Variants in EPB41L1 observed in about 807,000 individuals in gnomAD.
EPB41L1 encodes band 4.1-like protein 1.
A neutral mutation model predicts 97.8 loss-of-function variants in EPB41L1; 29 were observed. The observed-to-expected ratio is 0.30, with a 90% CI of 0.22 to 0.40. EPB41L1 has a LOEUF of 0.40. EPB41L1 is among the 10% of genes least tolerant of loss of function. EPB41L1 has a pLI of 1.00. For missense variants in EPB41L1, 812 were observed against 1,162.3 expected (o/e 0.70, Z 4.38); for synonymous variants, 383 against 459.2 (o/e 0.83, Z 2.12).
In EPB41L1 at chr20:36,207,637, A is replaced by G. The variant is rs1259127871; in HGVS notation, c.1669-1851A>G. 2 of 1,290,018 alleles carry G rather than the reference A, an allele frequency of 1.6e-6. No homozygotes were observed. The highest frequency in any genetic ancestry group is 3.0e-5 in the African/African-American group (2 of 65,852). 79.9% of individuals were successfully genotyped at this position (1,290,018 alleles called of 1,614,324 possible). On this transcript the variant is annotated intron_variant, in intron 14 of 21. Transcript: ENST00000338074. This position sits in a 1 kb window ranked among gnomAD's most constrained non-coding sequence, Gnocchi z 4.9. ...AGGGGACTTTGCCAGCCCCAAAGCC[A>G]CACATTCCACAGTGATACCTCTGGC... is the stretch of plus-strand genomic sequence containing the variant.
intron 1 of EPB41L1, among the ~76,000 whole-genome samples, chr20:36,159,532 T>C (rs2060446844): frequency 6.6e-6 from 1 of 152,216 alleles, no homozygotes; most frequent in African/African-American, 2.4e-5. Flanking sequence ...AGAATGACGC[T>C]AGACTCCAGT....
chr20:36,173,336 G>T (rs2061076635), intron 1 of EPB41L1, among the ~76,000 whole-genome samples: 1 of 152,210 alleles, frequency 6.6e-6, no homozygotes, highest in African/African-American at 2.4e-5. Context: ...GGAACCCAGG[G>T]TTCTTTTAGT....
intron 1 of EPB41L1, among the ~76,000 whole-genome samples, chr20:36,094,074 G>C (rs2057754360): frequency 6.6e-6 from 1 of 152,154 alleles, no homozygotes; most frequent in Non-Finnish European, 1.5e-5. Flanking sequence ...TCCAAGTACT[G>C]GTGCATACAG....
intron 2 of EPB41L1, among the ~76,000 whole-genome samples, chr20:36,140,837 G>A (rs1263417591): frequency 6.6e-6 from 1 of 152,084 alleles, no homozygotes; most frequent in African/African-American, 2.4e-5. Flanking sequence ...AGCCCGACTA[G>A]CCACCCCCTC....
chr20:36,228,939 G>A (rs900579843), intron 21 of EPB41L1, among the ~76,000 whole-genome samples: 2 of 152,108 alleles, frequency 1.3e-5, no homozygotes, highest in Non-Finnish European at 2.9e-5. Context: ...TCAGGCCAAA[G>A]TAAAAGATTA....
chr20:36,155,773 A>T, intron 1 of EPB41L1: 1 of 396,396 alleles, frequency 2.5e-6, no homozygotes, highest in Non-Finnish European at 5.1e-6. Flanking sequence ...GGGAGAGAGC[A>T]CCACGTGTTC....
At chr20:36,115,319 T>C (rs1042837693) in intron 2 of EPB41L1, among the ~76,000 whole-genome samples, 6 of 152,216 alleles carry the variant, frequency 3.9e-5, no homozygotes, top group African/African-American at 1.2e-4. Context: ...CAAGTGGCCA[T>C]CTTGCCTTTG....
intron 5 of EPB41L1, among the ~76,000 whole-genome samples, chr20:36,180,652 C>T (rs2061436681): frequency 6.6e-6 from 1 of 152,124 alleles, no homozygotes; most frequent in East Asian, 1.9e-4. Context: ...TTGGTTTCCT[C>T]CTCTGTAAAG....
intron 1 of EPB41L1, among the ~76,000 whole-genome samples, chr20:36,097,927 G>T (rs770387398): frequency 1.3e-5 from 2 of 152,176 alleles, no homozygotes; most frequent in South Asian, 4.1e-4. Context: ...AGCTGGGGAA[G>T]AGGAGTAAGC....
rs892817954 is a variant in EPB41L1 at position 36,093,855 on chromosome 20, C to T, written c.-65+2243C>T. Among the ~76,000 whole-genome samples the T allele has an allele frequency of 2.0e-5, 3 of 152,050 alleles. No homozygotes were observed. The highest frequency in any genetic ancestry group is 7.2e-5 in the African/African-American group (3 of 41,382). On this transcript the variant is annotated intron_variant, in intron 1 of 19. Coordinates refer to the EPB41L1 transcript ENST00000202028. This position sits in a 1 kb window ranked among gnomAD's most constrained non-coding sequence, Gnocchi z 5.4. ...CATGTCCCCTCCGGCCTCCCCCCAGCCCCCCACCAGACCTAGCCTGTGCCA... is the reference window on the plus strand; with the variant it reads ...CATGTCCCCTCCGGCCTCCCCCCAGTCCCCCACCAGACCTAGCCTGTGCCA...
Position 36,190,536 on chromosome 20 carries a change from T to A in EPB41L1, c.1125-86T>A. 1.3e-6 allele frequency: 2 copies of A among 1,580,068 alleles called. No homozygotes were observed. The highest frequency in any genetic ancestry group is 1.7e-6 in the Non-Finnish European group (2 of 1,154,052). On this transcript the variant is annotated intron_variant, in intron 10 of 21. Coordinates refer to ENST00000338074, the MANE Select transcript of EPB41L1 (RefSeq NM_012156.2). The surrounding 1 kb of genome is among the most constrained non-coding windows in gnomAD (Gnocchi z 5.8). ...TGAATTGTTGTAGTTGGTGGAGTAG[T>A]GGGATGAAAGGCCAGCTGTGGTCTA... is the stretch of plus-strand genomic sequence containing the variant.
chr20:36,129,333 G>A (rs968246086), intron 2 of EPB41L1, among the ~76,000 whole-genome samples: 4 of 152,122 alleles, frequency 2.6e-5, no homozygotes, highest in African/African-American at 9.7e-5. Flanking sequence ...ATGGCCACGG[G>A]TGTGGTAAGT....
In EPB41L1 at chr20:36,230,657, T is replaced by A. The variant is rs1228316320; in HGVS notation, c.*1317T>A. ...AGTCAGGGCCTGGTCTGTGCTCAGG[T>A]ACTGGGTCCCAGTCTGGGACTCTGC... On this transcript the variant is annotated 3_prime_UTR_variant, in exon 22 of 22. Transcript: ENST00000338074. The A allele has an allele frequency of 6.6e-6, 1 of 152,258 alleles. No individual in the cohort carries two copies. Among genetic ancestry groups the A allele is most frequent in the Non-Finnish European group, 1.5e-5 (1 of 68,112 alleles). The allele number at this position is 152,258 out of a possible 1,614,324, so 9.4% of individuals were successfully genotyped here. A position where few individuals can be genotyped will look rare whatever the true frequency, so the allele number is the denominator to read the frequency against.
Position 36,185,105 on chromosome 20 carries a change from C to T in EPB41L1, c.567-12C>T, listed in dbSNP as rs1331669431. On this transcript the variant is annotated splice_polypyrimidine_tract_variant and intron_variant, in intron 6 of 21. Coordinates refer to ENST00000338074, the MANE Select transcript of EPB41L1 (RefSeq NM_012156.2). ...GGGCCCTGTGCCCATGCTGGCTCTC[C>T]CCTATCTCCAGATACTACCTGTGCC... 2 of 1,611,926 alleles carry T rather than the reference C, an allele frequency of 1.2e-6. No individual in the cohort carries two copies. Among genetic ancestry groups the T allele is most frequent in the African/African-American group, 2.7e-5 (2 of 74,972 alleles).
chr20:36,188,564 G>T, intron 9 of EPB41L1, 65 bp downstream of exon 9: 2 of 1,364,228 alleles, frequency 1.5e-6, no homozygotes, highest in South Asian at 2.5e-5. Flanking sequence ...GACCCTGGCA[G>T]CTGGGCCTGG....
chr20:36,198,034 C>G lies in EPB41L1; in HGVS notation c.1661C>G (p.Ala554Gly), dbSNP rs778642222. 1.2e-6 allele frequency: 2 copies of G among 1,613,372 alleles called. No homozygotes were observed. The highest frequency in any genetic ancestry group is 1.7e-4 in the Middle Eastern group (1 of 6,026). The change falls in exon 14 of 22, where the codon GCC becomes GGC. Residue 554 changes from alanine (A) to glycine (G), a missense_variant. Ala to Gly is a moderately conservative substitution (Grantham distance 60). This residue lies in a region of EPB41L1 where 498 missense variants were observed against 622.7 expected (regional missense o/e 0.80). Coordinates refer to ENST00000338074, the MANE Select transcript of EPB41L1 (RefSeq NM_012156.2). The stretch of plus-strand genomic sequence containing the variant: ...TCCCCCAAGGGCACCCCTGAGAAAG[C>G]CAATGAGGTAGGTGTCGCCCTGAAC... ...SPSPKGTPEK[A>G]NERAGLREGS...
chr20:36,188,581 AACACACACACACACACACACACAC>A (rs55990020), intron 9 of EPB41L1, 82 bp downstream of exon 9: 76 of 467,412 alleles, frequency 1.6e-4, no homozygotes, highest in Middle Eastern at 6.9e-4. Flanking sequence ...CTGGACTGCC[AACACACACACACACACACACACAC>A]ACACACACAC....
intron 2 of EPB41L1, 67 bp downstream of exon 2, chr20:36,174,021 C>T: frequency 3.3e-6 from 5 of 1,523,876 alleles, no homozygotes; most frequent in Non-Finnish European, 4.5e-6. Flanking sequence ...GTTCTTAGGG[C>T]TCCAGTATTT....
At chr20:36,219,890 GAGA>G (rs2063677227) in intron 19 of EPB41L1, 46 bp downstream of exon 19, 6 of 1,522,942 alleles carry the variant, frequency 3.9e-6, no homozygotes, top group Non-Finnish European at 4.6e-6. Context: ...AGCTGCAGGC[GAGA>G]AGGTCATGAC....
Sources: gnomAD v4.1 joint callset for allele counts (sites outside exome capture counted in the v4.1 genomes callset) on GRCh38, gnomAD v4.1.1 for gene constraint, gnomAD v4.1.1 regional missense constraint, Gnocchi (gnomAD v3.1) non-coding constraint, MANE v1.5 for transcripts, NCBI Gene and HGNC (gene_info 2026-07-23, HGNC 2026-07-21) for gene names.